BTRC: variants seen among roughly 807,000 people sequenced by gnomAD.
BTRC encodes the protein F-box/WD repeat-containing protein 1A.
A neutral mutation model predicts 85.5 loss-of-function variants in BTRC; 42 were observed. That is an observed-to-expected ratio of 0.49 (90% confidence interval 0.38 to 0.64). The LOEUF (loss-of-function observed/expected upper bound fraction) is 0.64. BTRC is among the 30% of genes least tolerant of loss of function. The probability of loss-of-function intolerance (pLI) is 0.00; values close to 1 mark genes in which losing one functional copy is unlikely to be tolerated. For synonymous variants in BTRC, 255 were observed against 263.3 expected (o/e 0.97, Z 0.30); for missense variants, 594 against 743.5 (o/e 0.80, Z 2.34).
chr10:101,403,814 G>C (rs1046272046), intron 1 of BTRC, among the ~76,000 whole-genome samples: 1 of 151,580 alleles, frequency 6.6e-6, no homozygotes, highest in Non-Finnish European at 1.5e-5. Flanking sequence ...AGGCTTGTCT[G>C]GAACTCCTGG....
chr10:101,510,943 C>T (rs1946686794), intron 4 of BTRC, among the ~76,000 whole-genome samples: 1 of 152,276 alleles, frequency 6.6e-6, no homozygotes, highest in African/African-American at 2.4e-5. Context: ...TCTAATTGAT[C>T]TTTCTTCCTC....
chr10:101,409,588 C>G (rs541199994), intron 1 of BTRC, among the ~76,000 whole-genome samples: 1 of 152,220 alleles, frequency 6.6e-6, no homozygotes, highest in Admixed American at 6.5e-5. Context: ...TAGCTTGTTG[C>G]TCCCAGGCTA....
chr10:101,475,611 TC>T (rs1416688176), intron 3 of BTRC, among the ~76,000 whole-genome samples: 4 of 152,240 alleles, frequency 2.6e-5, no homozygotes, highest in Middle Eastern at 6.8e-3. Context: ...TCTACTATTT[TC>T]CCCATTTTTT....
chr10:101,502,839 T>C (rs1355641548), intron 4 of BTRC, among the ~76,000 whole-genome samples: 1 of 152,162 alleles, frequency 6.6e-6, no homozygotes, highest in East Asian at 1.9e-4. Context: ...CTGGACATAA[T>C]ATTATTGTAA....
chr10:101,410,183 G>T (rs1055058516), intron 1 of BTRC, among the ~76,000 whole-genome samples: 2 of 152,124 alleles, frequency 1.3e-5, no homozygotes, highest in Non-Finnish European at 2.9e-5. Context: ...GGATTTCCTG[G>T]TATGCTTCTC....
At chr10:101,543,550 A>C (rs1467275045) in intron 13 of BTRC, among the ~76,000 whole-genome samples, 1 of 151,176 alleles carries the variant, frequency 6.6e-6, no homozygotes, top group African/African-American at 2.4e-5. Context: ...TTTGGATTTA[A>C]ATCTATCATG....
At chr10:101,357,812 T>A (rs1406681192) in intron 1 of BTRC, among the ~76,000 whole-genome samples, 2 of 152,244 alleles carry the variant, frequency 1.3e-5, no homozygotes, top group East Asian at 3.8e-4. Flanking sequence ...CTTATTGTTT[T>A]ACTTGTGAAA....
At chr10:101,473,373 C>T (rs1218454256) in intron 3 of BTRC, among the ~76,000 whole-genome samples, 1 of 151,616 alleles carries the variant, frequency 6.6e-6, no homozygotes, top group Non-Finnish European at 1.5e-5. Context: ...CAGCCTTGAC[C>T]TTCTGGGCTC....
At chr10:101,522,409 C>CT (rs1176651688) in intron 5 of BTRC, among the ~76,000 whole-genome samples, 1,690 of 29,280 alleles carry the variant, frequency 0.058, 465 homozygotes, top group Non-Finnish European at 0.064. Flanking sequence ...ATAAAGACTC[C>CT]TTTTTTTTTT....
intron 4 of BTRC, among the ~76,000 whole-genome samples, chr10:101,505,517 A>G (rs112455252): frequency 0.37 from 56,549 of 151,102 alleles, 11,672 homozygotes; most frequent in Middle Eastern, 0.49. Context: ...CTGCTCAGGA[A>G]GCTGAGGCAG....
chr10:101,401,790 A>G (rs554488371), intron 1 of BTRC, among the ~76,000 whole-genome samples: 1 of 150,108 alleles, frequency 6.7e-6, no homozygotes, highest in African/African-American at 2.4e-5. Context: ...GTGAGCTATG[A>G]TTATGCCACT....
At chr10:101,512,064 C>G (rs2061964024) in intron 4 of BTRC, among the ~76,000 whole-genome samples, 1 of 152,224 alleles carries the variant, frequency 6.6e-6, no homozygotes, top group African/African-American at 2.4e-5. Flanking sequence ...GGCAAAGACA[C>G]TTTGTATGCC....
chr10:101,451,409 T>A (rs982474173), intron 2 of BTRC, among the ~76,000 whole-genome samples: 1 of 152,186 alleles, frequency 6.6e-6, no homozygotes, highest in African/African-American at 2.4e-5. Flanking sequence ...CTAAATTAGA[T>A]ACATCAGCCA....
At chr10:101,416,152 T>G (rs1372911387) in intron 1 of BTRC, among the ~76,000 whole-genome samples, 1 of 152,206 alleles carries the variant, frequency 6.6e-6, no homozygotes, top group African/African-American at 2.4e-5. Context: ...CATAATGTCC[T>G]CAAGGTTCAT....
chr10:101,540,163 T>C (rs1266378192), intron 13 of BTRC, among the ~76,000 whole-genome samples: 4 of 152,238 alleles, frequency 2.6e-5, no homozygotes, highest in Non-Finnish European at 5.9e-5. Context: ...ATGGCCTATG[T>C]TACTTGCTGT....
chr10:101,399,311 C>G (rs1359581045), intron 1 of BTRC, among the ~76,000 whole-genome samples: 1 of 121,944 alleles, frequency 8.2e-6, no homozygotes, highest in Non-Finnish European at 1.7e-5. Flanking sequence ...AGAACTATAA[C>G]TAGAATCACC....
At chr10:101,361,930 C>T (rs1475550335) in intron 1 of BTRC, among the ~76,000 whole-genome samples, 1 of 152,194 alleles carries the variant, frequency 6.6e-6, no homozygotes. Context: ...AGAATTTCTG[C>T]CTGCCTAAGA....
Position 101,479,413 on chromosome 10 carries a change from T to C in BTRC, c.280T>C (p.Cys94Arg). 1.2e-6 allele frequency: 2 copies of C among 1,613,516 alleles called. No homozygotes were observed. The highest frequency in any genetic ancestry group is 2.2e-5 in the East Asian group (1 of 44,816). ...ARLCLNQETV[C>R]LASTAMKTEN... ...ACTCTGCTTAAACCAAGAAACAGTA[T>C]GTTTAGCAAGCACTGCTATGAAGAC... is the stretch of plus-strand genomic sequence containing the variant. The change falls in exon 4 of 15, where the codon TGT becomes CGT. Residue 94 changes from cysteine (C) to arginine (R), a missense_variant. Physicochemically the swap from Cys to Arg is radical, Grantham distance 180. Coordinates refer to ENST00000370187, the MANE Select transcript of BTRC (RefSeq NM_033637.4).
chr10:101,528,958 C>T (rs538780577), intron 6 of BTRC, among the ~76,000 whole-genome samples: 2 of 152,276 alleles, frequency 1.3e-5, no homozygotes, highest in East Asian at 1.9e-4. Context: ...GGGACATGAA[C>T]TCTGTAGTTT....
Sources: allele counts gnomAD v4.1 joint callset (sites outside exome capture counted in the v4.1 genomes callset), GRCh38; gene constraint gnomAD v4.1.1; transcripts MANE v1.5; gene names NCBI Gene and HGNC (gene_info 2026-07-23, HGNC 2026-07-21).